SLC14A2: variants seen among roughly 807,000 people sequenced by gnomAD.
SLC14A2 encodes solute carrier family 14 member 2, also known as urea transporter 2.
A neutral mutation model predicts 104.6 loss-of-function variants in SLC14A2; 91 were observed. The ratio of observed to expected loss-of-function variants is 0.87; its 90% CI spans 0.73 to 1.04. The LOEUF (loss-of-function observed/expected upper bound fraction) is 1.04. Ranked by LOEUF, SLC14A2 falls within the 50% of genes least tolerant of loss-of-function variation. The probability of loss-of-function intolerance (pLI) is 0.00; values close to 1 mark genes in which losing one functional copy is unlikely to be tolerated. For missense variants in SLC14A2, 1,189 were observed against 1,156.0 expected (o/e 1.03, Z -0.41); for synonymous variants, 476 against 466.4 (o/e 1.02, Z -0.27).
At chr18:45,403,107 G>T (rs2086113781) in intron 1 of SLC14A2, among the ~76,000 whole-genome samples, 1 of 152,148 alleles carries the variant, frequency 6.6e-6, no homozygotes, top group Non-Finnish European at 1.5e-5. Flanking sequence ...TCCCAACAGG[G>T]TTAGTTTCTG....
At chr18:45,174,819 G>T in the SLC14A2 span, among the ~76,000 whole-genome samples, 1 of 152,134 alleles carries the variant, frequency 6.6e-6, no homozygotes, top group Admixed American at 6.6e-5. Context: ...TCATGCATAT[G>T]AACAGAGAGC....
In SLC14A2 at chr18:45,644,134, G is replaced by A. The variant is rs1428601159; in HGVS notation, c.1325G>A (p.Ser442Asn). Residue 442 changes from serine to asparagine, a missense_variant, in exon 10 of 20, where the codon AGC becomes AAC. Transcript: ENST00000255226. Reference sequence around the variant, plus strand: ...CGCATCTACTACCTGACAGTGAAAAGCGGTGAAGAAGAGAAGGCCCCCAGC... The same window carrying A: ...CGCATCTACTACCTGACAGTGAAAAACGGTGAAGAAGAGAAGGCCCCCAGC... The part of the protein sequence containing the change: ...ANRIYYLTVK[S>N]GEEEKAPSGG... The A allele has an allele frequency of 6.2e-6, 10 of 1,614,230 alleles. No homozygotes were observed. The highest frequency in any genetic ancestry group is 8.5e-6 in the Non-Finnish European group (10 of 1,180,034).
intron 1 of SLC14A2, among the ~76,000 whole-genome samples, chr18:45,463,472 A>G (rs2087082544): frequency 6.6e-6 from 1 of 152,244 alleles, no homozygotes; most frequent in Non-Finnish European, 1.5e-5. Context: ...TAGATGCTCG[A>G]TAAATGACAG....
intron 1 of SLC14A2, among the ~76,000 whole-genome samples, chr18:45,327,041 T>TCCAG (rs35693942): frequency 0.078 from 11,896 of 152,060 alleles, 645 homozygotes; most frequent in Middle Eastern, 0.17. Context: ...CATCCATCCA[T>TCCAG]CCAGCCAGCC....
chr18:45,192,919 T>G, the SLC14A2 span, among the ~76,000 whole-genome samples: 1 of 152,140 alleles, frequency 6.6e-6, no homozygotes, highest in Non-Finnish European at 1.5e-5. Context: ...CCTCCCAAAG[T>G]GCTGGGATTA....
the SLC14A2 span, among the ~76,000 whole-genome samples, chr18:45,190,832 A>G: frequency 1.3e-5 from 2 of 152,218 alleles, no homozygotes; most frequent in Non-Finnish European, 2.9e-5. Context: ...TAGCACTCAG[A>G]GGTGGGCAAT....
intron 2 of SLC14A2, among the ~76,000 whole-genome samples, chr18:45,525,737 C>T (rs1439120730): frequency 6.6e-6 from 1 of 152,154 alleles, no homozygotes; most frequent in Non-Finnish European, 1.5e-5. Flanking sequence ...AGTGTATTTT[C>T]TGTTTGTGTC....
At chr18:45,658,056 A>G (rs2045871952) in intron 10 of SLC14A2, among the ~76,000 whole-genome samples, 1 of 152,174 alleles carries the variant, frequency 6.6e-6, no homozygotes, top group South Asian at 2.1e-4. Context: ...ATCAAATTAT[A>G]CGTGATGTGT....
At chr18:45,515,805 C>T (rs2043432528) in intron 2 of SLC14A2, among the ~76,000 whole-genome samples, 1 of 152,218 alleles carries the variant, frequency 6.6e-6, no homozygotes, top group Admixed American at 6.5e-5. Context: ...AACCATGCAT[C>T]ACAAGAAACA....
chr18:45,426,341 T>G (rs1282303740), intron 1 of SLC14A2, among the ~76,000 whole-genome samples: 2 of 152,032 alleles, frequency 1.3e-5, no homozygotes, highest in Non-Finnish European at 2.9e-5. Flanking sequence ...ACTTATCGAG[T>G]GCGTAATCGT....
At chr18:45,323,503 G>A (rs778689792) in intron 1 of SLC14A2, among the ~76,000 whole-genome samples, 26 of 152,310 alleles carry the variant, frequency 1.7e-4, no homozygotes, top group Admixed American at 3.3e-4. Flanking sequence ...TCCTAAATCT[G>A]ACCATATTTT....
chr18:45,545,225 A>G (rs1167452317), intron 2 of SLC14A2, among the ~76,000 whole-genome samples: 1 of 152,232 alleles, frequency 6.6e-6, no homozygotes, highest in Non-Finnish European at 1.5e-5. Flanking sequence ...TATAAATAAT[A>G]TTTTAGAATT....
chr18:45,411,357 A>T (rs975390588), intron 1 of SLC14A2, among the ~76,000 whole-genome samples: 2 of 152,224 alleles, frequency 1.3e-5, no homozygotes, highest in African/African-American at 4.8e-5. Flanking sequence ...AATCTCATCA[A>T]CTCAGTCTTA....
rs2046324702 is a variant in SLC14A2 at position 45,682,465 on chromosome 18, G to C, written c.2709G>C (p.Glu903Asp). The change falls in exon 20 of 20, where the codon GAG (glutamate) becomes GAC (aspartate). Residue 903 changes from glutamate (E) to aspartate (D), a missense_variant. Transcript: ENST00000255226. The stretch of plus-strand genomic sequence containing the variant: ...ACCGCATCTACTACCTGTCCCAGGA[G>C]AGAAACAGAAGGGCATCAATCATAA... ...EANRIYYLSQ[E>D]RNRRASIITK... 3.1e-6 allele frequency: 5 copies of C among 1,614,196 alleles called. No homozygotes were observed. Among genetic ancestry groups the C allele is most frequent in the Non-Finnish European group, 4.2e-6 (5 of 1,180,024 alleles).
At chr18:45,671,262 CCCACCA>C (rs373334975) in intron 16 of SLC14A2, among the ~76,000 whole-genome samples, 1 of 151,560 alleles carries the variant, frequency 6.6e-6, no homozygotes, top group Admixed American at 6.6e-5. Context: ...ACACTTGAGA[CCCACCA>C]CCACCACCAC....
intron 2 of SLC14A2, among the ~76,000 whole-genome samples, chr18:45,599,312 G>A (rs2044756225): frequency 6.6e-6 from 1 of 152,176 alleles, no homozygotes; most frequent in African/African-American, 2.4e-5. Flanking sequence ...GCTGATTCTT[G>A]AATTCATTAT....
At chr18:45,489,730 T>C (rs1307649755) in intron 2 of SLC14A2, among the ~76,000 whole-genome samples, 2 of 152,130 alleles carry the variant, frequency 1.3e-5, no homozygotes, top group African/African-American at 4.8e-5. Flanking sequence ...CACTGGAAGA[T>C]GCAAAACACT....
At chr18:45,490,289 T>C (rs1229513769) in intron 2 of SLC14A2, among the ~76,000 whole-genome samples, 1 of 152,076 alleles carries the variant, frequency 6.6e-6, no homozygotes, top group Non-Finnish European at 1.5e-5. Flanking sequence ...CTAGAAAGTC[T>C]AGAAAGAGAC....
At chr18:45,389,540 C>T (rs988850658) in intron 1 of SLC14A2, among the ~76,000 whole-genome samples, 1 of 152,196 alleles carries the variant, frequency 6.6e-6, no homozygotes, top group African/African-American at 2.4e-5. Flanking sequence ...TCAACTTCAA[C>T]CAGCCTTCTT....
Sources: gnomAD v4.1 joint callset for allele counts (sites outside exome capture counted in the v4.1 genomes callset) on GRCh38, gnomAD v4.1.1 for gene constraint, MANE v1.5 for transcripts, NCBI Gene and HGNC (gene_info 2026-07-23, HGNC 2026-07-21) for gene names.